MORC1: variants seen among roughly 807,000 people sequenced by gnomAD.
The protein encoded by MORC1 is MORC family CW-type zinc finger protein 1.
Under a neutral mutation model 134.9 loss-of-function variants are expected in MORC1, and 59 were observed. The ratio of observed to expected loss-of-function variants is 0.44; its 90% CI spans 0.35 to 0.54. The LOEUF is 0.54. Among genes scored for constraint, MORC1 ranks in the 20% least tolerant of loss-of-function variants. MORC1 has a pLI of 0.00. For missense variants in MORC1, 947 were observed against 1,134.5 expected, an observed-to-expected ratio of 0.83 and a Z score of 2.37; for synonymous variants, 395 against 391.7, an observed-to-expected ratio of 1.01 and a Z score of -0.10.
At chr3:109,021,160 G>T (rs1420809153) in intron 17 of MORC1, among the ~76,000 whole-genome samples, 2 of 152,144 alleles carry the variant, frequency 1.3e-5, no homozygotes, top group Non-Finnish European at 2.9e-5. Flanking sequence ...AGCACAGTCA[G>T]GGAACAGGCC....
chr3:108,998,115 CCTTTTAAATATT>C (rs1948288928), intron 21 of MORC1, among the ~76,000 whole-genome samples: 1 of 152,142 alleles, frequency 6.6e-6, no homozygotes, highest in Non-Finnish European at 1.5e-5. Context: ...TAGCTGGACG[CCTTTTAAATATT>C]CAGGCACCTA....
chr3:109,076,168 A>C (rs1253244981), intron 8 of MORC1, among the ~76,000 whole-genome samples: 1 of 152,234 alleles, frequency 6.6e-6, no homozygotes, highest in Non-Finnish European at 1.5e-5. Flanking sequence ...AAGTGGGCAA[A>C]AGATATGAAC....
intron 21 of MORC1, among the ~76,000 whole-genome samples, chr3:108,991,976 T>G (rs998637882): frequency 6.6e-6 from 1 of 152,184 alleles, no homozygotes; most frequent in Admixed American, 6.5e-5. Context: ...CCTACGTGTT[T>G]TTGTTGGTCT....
chr3:109,070,982 T>C (rs1042345154), intron 8 of MORC1, among the ~76,000 whole-genome samples: 1 of 152,220 alleles, frequency 6.6e-6, no homozygotes, highest in African/African-American at 2.4e-5. Flanking sequence ...TAAATATTAA[T>C]ACTAGTGTAT....
chr3:109,062,505 C>A (rs1950106319), intron 10 of MORC1, among the ~76,000 whole-genome samples: 1 of 151,398 alleles, frequency 6.6e-6, no homozygotes, highest in Non-Finnish European at 1.5e-5. Flanking sequence ...ACTGCAAACT[C>A]CCCCTCCCAG....
chr3:108,965,479 C>A (rs758966610), intron 26 of MORC1, among the ~76,000 whole-genome samples: 6 of 151,972 alleles, frequency 3.9e-5, no homozygotes, highest in Non-Finnish European at 7.4e-5. Context: ...TTAGTGGATG[C>A]CAGGAGTTAG....
rs546710468 is a variant in MORC1, at chr3:108,982,003, T to C, written c.2325-2336A>G. On this transcript the variant is annotated intron_variant, in intron 23 of 27. Coordinates refer to ENST00000232603, the MANE Select transcript of MORC1 (RefSeq NM_014429.4). ...AATGGGAGAAAATTTTTGCAATCTA[T>C]ACATCTGACAAAGGGCTAATATCCA... Among the ~76,000 whole-genome samples the C allele has an allele frequency of 6.6e-3, 1,000 of 152,212 alleles. 15 individuals are homozygous for C. The highest frequency in any genetic ancestry group is 0.023 in the African/African-American group (967 of 41,538).
chr3:108,984,757 A>C lies in MORC1; in HGVS notation c.2283T>G (p.Val761=). 6.2e-7 allele frequency: 1 copy of C among 1,609,790 alleles called. No individual in the cohort carries two copies. Among genetic ancestry groups the C allele is most frequent in the Non-Finnish European group, 8.5e-7 (1 of 1,178,772 alleles). Residue 761 remains valine (V), a synonymous_variant, in exon 23 of 28, where the codon GTT becomes GTG. Transcript: ENST00000232603. The part of the protein sequence containing the change: ...NQEKQELCND[V]LAMKRSSSLP... ...ATGAAGAGCTTCTTTTCATTGCTAG[A>C]ACATCATTGCACAGCTCCTGTTTTT...
chr3:109,075,255 T>C (rs1407596386), intron 8 of MORC1, among the ~76,000 whole-genome samples: 1 of 152,162 alleles, frequency 6.6e-6, no homozygotes. Context: ...AGACTAAGAA[T>C]ACATATTATT....
chr3:109,093,456 C>A lies in MORC1; in HGVS notation c.669G>T (p.Leu223=). The change falls in exon 8 of 28, where the codon CTG becomes CTT. Residue 223 remains leucine, a synonymous_variant. Transcript: ENST00000232603. ...CATACTCCTCCAGAGCTCCAGCCAT[C>A]AGTATATCTTCTTTGTCAGTTTTAA... is the stretch of plus-strand genomic sequence containing the variant. The part of the protein sequence containing the change: ...LDVKTDKEDI[L]MAGALEDFPA... The A allele has an allele frequency of 1.9e-6, 3 of 1,613,142 alleles. No homozygotes were observed. Among genetic ancestry groups the A allele is most frequent in the Non-Finnish European group, 2.5e-6 (3 of 1,179,182 alleles).
At chr3:108,995,177 T>C (rs1948166009) in intron 21 of MORC1, among the ~76,000 whole-genome samples, 2 of 152,178 alleles carry the variant, frequency 1.3e-5, no homozygotes, top group African/African-American at 4.8e-5. Context: ...TTTGTAACTA[T>C]ATCTAAACAA....
At chr3:109,090,639 A>C (rs1383397835) in intron 8 of MORC1, among the ~76,000 whole-genome samples, 2 of 151,476 alleles carry the variant, frequency 1.3e-5, no homozygotes, top group Admixed American at 6.6e-5. Flanking sequence ...AAAAAAAAAA[A>C]AAACACGATG....
intron 14 of MORC1, among the ~76,000 whole-genome samples, chr3:109,041,469 T>C (rs563698599): frequency 6.6e-6 from 1 of 152,178 alleles, no homozygotes; most frequent in East Asian, 1.9e-4. Flanking sequence ...TCTAGCACTT[T>C]GGGAGGCCGA....
chr3:109,090,446 C>T (rs1307438535), intron 8 of MORC1, among the ~76,000 whole-genome samples: 1 of 151,770 alleles, frequency 6.6e-6, no homozygotes, highest in Admixed American at 6.6e-5. Flanking sequence ...GGTGAAACCC[C>T]ATCTCTACTA....
chr3:109,031,605 G>A (rs1341867933), intron 16 of MORC1, among the ~76,000 whole-genome samples: 1 of 152,126 alleles, frequency 6.6e-6, no homozygotes, highest in Non-Finnish European at 1.5e-5. Flanking sequence ...GAAGATCTTG[G>A]CCAGTGGCTT....
chr3:109,010,897 G>A (rs930802452), intron 17 of MORC1, among the ~76,000 whole-genome samples: 8 of 152,214 alleles, frequency 5.3e-5, no homozygotes, highest in African/African-American at 1.7e-4. Context: ...TTGTCCTTTC[G>A]CCTTTTGATG....
intron 11 of MORC1, among the ~76,000 whole-genome samples, chr3:109,061,047 T>C (rs1407304864): frequency 6.6e-6 from 1 of 151,936 alleles, no homozygotes; most frequent in Admixed American, 6.6e-5. Context: ...AGAATTAACT[T>C]TGGGGCATTA....
At chr3:109,011,006 G>C (rs945974366) in intron 17 of MORC1, among the ~76,000 whole-genome samples, 3 of 152,146 alleles carry the variant, frequency 2.0e-5, no homozygotes, top group African/African-American at 7.2e-5. Context: ...CATTTCTCTT[G>C]ACTAATACCT....
intron 11 of MORC1, 22 bp from the exon 12 acceptor site, chr3:109,059,892 G>C: frequency 6.3e-7 from 1 of 1,597,948 alleles, no homozygotes; most frequent in Non-Finnish European, 8.5e-7. Flanking sequence ...CATTGGTTGG[G>C]AGAGAACATA....
Sources: allele counts gnomAD v4.1 joint callset (sites outside exome capture counted in the v4.1 genomes callset), GRCh38; gene constraint gnomAD v4.1.1; transcripts MANE v1.5; gene names NCBI Gene and HGNC (gene_info 2026-07-23, HGNC 2026-07-21).